Variants in ERC2 observed in about 807,000 individuals in gnomAD.
The protein encoded by ERC2 is ELKS/RAB6-interacting/CAST family member 2, also known as ERC protein 2.
A neutral mutation model predicts 114.8 loss-of-function variants in ERC2; 42 were observed. That is an observed-to-expected ratio of 0.37 (90% CI 0.29 to 0.47). The LOEUF is 0.47. ERC2 is among the 20% of genes least tolerant of loss of function. The pLI, the probability that ERC2 is intolerant of heterozygous loss-of-function variation, is 0.99. For synonymous variants in ERC2, 454 were observed against 425.5 expected, an observed-to-expected ratio of 1.07 and a Z score of -0.82; for missense variants, 939 against 1,150.7, an observed-to-expected ratio of 0.82 and a Z score of 2.66.
intron 13 of ERC2, among the ~76,000 whole-genome samples, chr3:55,946,228 A>G (rs2067120350): frequency 6.6e-6 from 1 of 152,234 alleles, no homozygotes; most frequent in African/African-American, 2.4e-5. Context: ...AGACATAAAT[A>G]TCATGCCCAA....
At chr3:55,725,455 A>C (rs1256140062) in intron 15 of ERC2, among the ~76,000 whole-genome samples, 1 of 152,210 alleles carries the variant, frequency 6.6e-6, no homozygotes, top group Non-Finnish European at 1.5e-5. Context: ...TGTAGAAAGC[A>C]TTCTCTGATT....
chr3:56,378,924 G>T (rs556044592), intron 2 of ERC2, among the ~76,000 whole-genome samples: 5 of 152,174 alleles, frequency 3.3e-5, no homozygotes, highest in African/African-American at 1.2e-4. Flanking sequence ...CAAGCCACAT[G>T]TGCAATTTTA....
intron 17 of ERC2, among the ~76,000 whole-genome samples, chr3:55,569,402 C>G (rs1246232506): frequency 1.3e-5 from 2 of 152,118 alleles, no homozygotes; most frequent in African/African-American, 2.4e-5. Flanking sequence ...AGTTGGGTCC[C>G]TATGCCGAAG....
At chr3:56,459,946 G>A (rs1249205002) in intron 1 of ERC2, among the ~76,000 whole-genome samples, 1 of 152,190 alleles carries the variant, frequency 6.6e-6, no homozygotes, top group Non-Finnish European at 1.5e-5. Context: ...CAACTTCAAA[G>A]CAACAAATCT....
intron 5 of ERC2, among the ~76,000 whole-genome samples, chr3:56,142,836 G>GTT (rs797000237): frequency 4.9e-5 from 7 of 143,010 alleles, no homozygotes; most frequent in African/African-American, 1.0e-4. Context: ...CTGTGTACTA[G>GTT]TTTTTTTTTT....
chr3:55,719,710 C>CA (rs923529155), intron 15 of ERC2, among the ~76,000 whole-genome samples: 5 of 152,058 alleles, frequency 3.3e-5, no homozygotes, highest in African/African-American at 4.8e-5. Flanking sequence ...CTTCCCCCAC[C>CA]AATATATCAA....
chr3:55,593,688 C>T (rs967935338), intron 17 of ERC2, among the ~76,000 whole-genome samples: 7 of 152,142 alleles, frequency 4.6e-5, no homozygotes, highest in Admixed American at 6.5e-5. Flanking sequence ...CTTTTATGGG[C>T]CAATGAATTC....
At chr3:55,921,563 G>A (rs1020089100) in intron 13 of ERC2, among the ~76,000 whole-genome samples, 1 of 152,068 alleles carries the variant, frequency 6.6e-6, no homozygotes, top group Non-Finnish European at 1.5e-5. Context: ...AAAATGAGAT[G>A]CTGAGACAAT....
chr3:56,400,652 G>A (rs911945754), intron 2 of ERC2, among the ~76,000 whole-genome samples: 2 of 152,072 alleles, frequency 1.3e-5, no homozygotes, highest in African/African-American at 4.8e-5. Flanking sequence ...CTACAAATCT[G>A]CAATATCAAG....
At chr3:55,681,755 G>T (rs1224759500) in intron 17 of ERC2, among the ~76,000 whole-genome samples, 1 of 152,148 alleles carries the variant, frequency 6.6e-6, no homozygotes, top group Non-Finnish European at 1.5e-5. Flanking sequence ...GGAAATTCAC[G>T]AAGAAATAAA....
chr3:56,026,057 CTTTTT>C (rs59635680), intron 7 of ERC2, among the ~76,000 whole-genome samples: 18 of 69,192 alleles, frequency 2.6e-4, no homozygotes, highest in South Asian at 1.9e-3. Flanking sequence ...CCGTTTCTTT[CTTTTT>C]TTTTTTTTTT....
chr3:55,549,007 A>C (rs2054958376), intron 17 of ERC2, among the ~76,000 whole-genome samples: 2 of 152,238 alleles, frequency 1.3e-5, no homozygotes, highest in Non-Finnish European at 2.9e-5. Context: ...TGTGTAAGAC[A>C]CCGTGCTATG....
At chr3:55,686,572 T>C (rs1276869084) in intron 16 of ERC2, among the ~76,000 whole-genome samples, 1 of 152,210 alleles carries the variant, frequency 6.6e-6, no homozygotes, top group Admixed American at 6.5e-5. Flanking sequence ...CATCTCTGTA[T>C]GCAAATATTA....
chr3:56,328,182 A>C (rs6765986), intron 2 of ERC2, among the ~76,000 whole-genome samples: 33,272 of 152,050 alleles, frequency 0.22, 4,298 homozygotes, highest in Non-Finnish European at 0.28. Context: ...AGAAGACCGA[A>C]ATTTGGTTAA....
intron 14 of ERC2, among the ~76,000 whole-genome samples, chr3:55,825,040 A>AT (rs1156406746): frequency 1.3e-5 from 2 of 152,010 alleles, no homozygotes; most frequent in African/African-American, 2.4e-5. Flanking sequence ...TAGAGTCACC[A>AT]TTTTTTTTAT....
At chr3:55,915,025 C>T (rs1386033028) in intron 13 of ERC2, among the ~76,000 whole-genome samples, 2 of 152,078 alleles carry the variant, frequency 1.3e-5, no homozygotes, top group Non-Finnish European at 2.9e-5. Flanking sequence ...AAAATCTATG[C>T]CGTCGTCGCA....
intron 3 of ERC2, among the ~76,000 whole-genome samples, chr3:56,218,328 A>G (rs1253583707): frequency 6.6e-6 from 1 of 152,254 alleles, no homozygotes; most frequent in East Asian, 1.9e-4. Context: ...AAGTGGGTGA[A>G]GGACATGAAC....
chr3:55,811,394 C>T lies in ERC2; in HGVS notation c.2565-76476G>A, dbSNP rs73834026. The stretch of plus-strand genomic sequence containing the variant: ...TACCTTCTGAGAAAACAAGGGCAGG[C>T]GTTATTTTTTTCCATTTCATACATG... On this transcript the variant is annotated intron_variant, in intron 14 of 17. Coordinates refer to ENST00000288221, the MANE Select transcript of ERC2 (RefSeq NM_015576.3). 6.4e-3 allele frequency among the ~76,000 whole-genome samples: 976 copies of T among 152,220 alleles called. 7 individuals are homozygous for T. Among genetic ancestry groups the T allele is most frequent in the African/African-American group, 0.023 (936 of 41,528 alleles).
chr3:55,966,486 G>C (rs191541633), intron 12 of ERC2, among the ~76,000 whole-genome samples: 16 of 152,226 alleles, frequency 1.1e-4, no homozygotes, highest in African/African-American at 3.9e-4. Context: ...CATTTGATCA[G>C]CATCTCTTTG....
Sources: gnomAD v4.1 joint callset for allele counts (sites outside exome capture counted in the v4.1 genomes callset) on GRCh38, gnomAD v4.1.1 for gene constraint, MANE v1.5 for transcripts, NCBI Gene and HGNC (gene_info 2026-07-23, HGNC 2026-07-21) for gene names.